The following ELP3 variants were observed in gnomAD, a reference collection of about 807,000 sequenced individuals.
ELP3 encodes the protein elongator complex protein 3.
A neutral mutation model predicts 74.9 loss-of-function variants in ELP3; 56 were observed. That is an observed-to-expected ratio of 0.75 (90% CI 0.60 to 0.93). The LOEUF is 0.93. ELP3 is among the 40% of genes least tolerant of loss of function. The pLI, the probability that ELP3 is intolerant of heterozygous loss-of-function variation, is 0.00. For missense variants in ELP3, 573 were observed against 686.5 expected, an observed-to-expected ratio of 0.83 and a Z score of 1.85; for synonymous variants, 222 against 239.8, an observed-to-expected ratio of 0.93 and a Z score of 0.68.
intron 3 of ELP3, 115 bp from the exon 4 acceptor site, chr8:28,106,598 C>T (rs1331294940): frequency 1.5e-6 from 1 of 669,268 alleles, no homozygotes; most frequent in Non-Finnish European, 2.5e-6. Context: ...CCTTTGAAGC[C>T]CCTTTTTGCC....
At chr8:28,107,768 A>T (rs1243988831) in intron 4 of ELP3, 145 bp from the exon 5 acceptor site, 2 of 607,834 alleles carry the variant, frequency 3.3e-6, no homozygotes, top group South Asian at 4.2e-5. Flanking sequence ...TTATTTACAG[A>T]TACTGCAAAG....
chr8:28,114,447 A>G (rs1325333128), intron 7 of ELP3, among the ~76,000 whole-genome samples: 2 of 152,198 alleles, frequency 1.3e-5, no homozygotes. Flanking sequence ...GTGAGGCCTC[A>G]GGAAGCTTCC....
Position 28,176,873 on chromosome 8 carries a change from A to G in ELP3, c.1568-12776A>G, listed in dbSNP as rs142932488. Among the ~76,000 whole-genome samples the G allele has an allele frequency of 2.8e-4, 43 of 152,320 alleles. No homozygotes were observed. The East Asian group carries it at 7.7e-3, about 27-fold the overall frequency. On this transcript the variant is annotated intron_variant, in intron 14 of 14. Transcript: ENST00000256398. Reference sequence around the variant, plus strand: ...GCACTGATAGAAACAGAGACCCTCTATTTTTGAATCAGTTGATTGTGGGCC... The same window carrying G: ...GCACTGATAGAAACAGAGACCCTCTGTTTTTGAATCAGTTGATTGTGGGCC...
At chr8:28,102,101 T>C (rs1473651450) in intron 3 of ELP3, among the ~76,000 whole-genome samples, 1 of 152,218 alleles carries the variant, frequency 6.6e-6, no homozygotes, top group Non-Finnish European at 1.5e-5. Context: ...TCATTGTGTT[T>C]GGTATTTTAC....
intron 6 of ELP3, 83 bp downstream of exon 6, chr8:28,110,521 C>A: frequency 1.7e-6 from 2 of 1,186,302 alleles, no homozygotes; most frequent in Admixed American, 2.3e-5. Flanking sequence ...CAAATTGAAC[C>A]TGAAATAAGA....
At position 28,190,202 on chromosome 8, in the gene ELP3, G is replaced by C. The variant is rs920089971; in HGVS notation, c.*477G>C. 6.5e-6 allele frequency: 1 copy of C among 153,502 alleles called. No homozygotes were observed. Among genetic ancestry groups the C allele is most frequent in the Non-Finnish European group, 1.5e-5 (1 of 68,740 alleles). 9.5% of individuals were successfully genotyped at this position (153,502 alleles called of 1,614,324 possible). ...CCTTTAACGACATACGCATTGGAGC[G>C]CAAGTTAGGAAAATGAGCTTTTGTT... On this transcript the variant is annotated 3_prime_UTR_variant, in exon 15 of 15. Coordinates refer to ENST00000256398, the MANE Select transcript of ELP3 (RefSeq NM_018091.6).
At chr8:28,100,089 T>C in intron 3 of ELP3, 123 bp downstream of exon 3, 1 of 1,227,632 alleles carries the variant, frequency 8.1e-7, no homozygotes, top group Middle Eastern at 2.4e-4. Context: ...GAAGTCCCTG[T>C]ATTAGGATAT....
chr8:28,158,684 C>T, intron 12 of ELP3, 51 bp downstream of exon 12: 1 of 1,441,052 alleles, frequency 6.9e-7, no homozygotes, highest in Non-Finnish European at 9.8e-7. Flanking sequence ...TAGATCTTTG[C>T]CAACCCTGGG....
intron 14 of ELP3, among the ~76,000 whole-genome samples, chr8:28,184,599 A>G (rs1815159379): frequency 6.6e-6 from 1 of 152,206 alleles, no homozygotes; most frequent in Non-Finnish European, 1.5e-5. Context: ...TGGTTATCCA[A>G]GGACTGTCCA....
chr8:28,128,331 CT>C (rs1054323732), intron 7 of ELP3, among the ~76,000 whole-genome samples: 2 of 152,070 alleles, frequency 1.3e-5, no homozygotes, highest in Non-Finnish European at 2.9e-5. Flanking sequence ...AAAAAATTAG[CT>C]GGGTGTGGTG....
At chr8:28,121,200 A>G (rs1314569751) in intron 7 of ELP3, among the ~76,000 whole-genome samples, 2 of 152,144 alleles carry the variant, frequency 1.3e-5, no homozygotes, top group Non-Finnish European at 2.9e-5. Context: ...TCTCTTAGCA[A>G]TCTTCATTGT....
intron 14 of ELP3, among the ~76,000 whole-genome samples, chr8:28,180,263 A>G (rs1177199683): frequency 6.6e-6 from 1 of 152,076 alleles, no homozygotes; most frequent in Non-Finnish European, 1.5e-5. Context: ...CTCCAGTTAA[A>G]CATATTTTAG....
At chr8:28,137,566 C>T in intron 9 of ELP3, 132 bp from the exon 10 acceptor site, 1 of 783,186 alleles carries the variant, frequency 1.3e-6, no homozygotes, top group South Asian at 1.7e-5. Context: ...TCTGTACGCC[C>T]TACCTGGTCA....
intron 10 of ELP3, 81 bp downstream of exon 10, chr8:28,137,972 T>C: frequency 1.6e-6 from 2 of 1,287,070 alleles, no homozygotes; most frequent in East Asian, 2.8e-5. Flanking sequence ...TGATTTCATA[T>C]TGAGGGTTTT....
At chr8:28,117,661 A>G (rs1465410439) in intron 7 of ELP3, among the ~76,000 whole-genome samples, 1 of 152,200 alleles carries the variant, frequency 6.6e-6, no homozygotes, top group Non-Finnish European at 1.5e-5. Context: ...AATTACACTG[A>G]ATTCTGCCAA....
chr8:28,155,817 G>A, intron 10 of ELP3, 125 bp from the exon 11 acceptor site: 1 of 660,488 alleles, frequency 1.5e-6, no homozygotes, highest in Non-Finnish European at 2.5e-6. Flanking sequence ...CTGATTTCCT[G>A]GTCAGCTTCA....
intron 14 of ELP3, chr8:28,183,345 A>G (rs1815095778): frequency 2.5e-6 from 1 of 408,060 alleles, no homozygotes; most frequent in African/African-American, 2.1e-5. Flanking sequence ...CAGAGTAGGG[A>G]AAAGGTCATG....
intron 3 of ELP3, among the ~76,000 whole-genome samples, chr8:28,102,892 G>A (rs78534730): frequency 0.021 from 3,272 of 152,244 alleles, 68 homozygotes; most frequent in Middle Eastern, 0.034. Context: ...ATTTGTGGCC[G>A]GGCGCAGTGG....
At chr8:28,156,115 C>G (rs1050507128) in intron 11 of ELP3, 83 bp downstream of exon 11, 1 of 1,109,012 alleles carries the variant, frequency 9.0e-7, no homozygotes. Context: ...ACTACCACCC[C>G]TAAAACCAGA....
Sources: gnomAD v4.1 joint callset for allele counts (sites outside exome capture counted in the v4.1 genomes callset) on GRCh38, gnomAD v4.1.1 for gene constraint, MANE v1.5 for transcripts, NCBI Gene and HGNC (gene_info 2026-07-23, HGNC 2026-07-21) for gene names.